The following ATG10 variants were observed in gnomAD, a reference collection of about 807,000 sequenced individuals.
ATG10 encodes ubiquitin-like-conjugating enzyme ATG10.
In ATG10, 30 loss-of-function variants were observed where a neutral mutation model predicts 32.1. The observed-to-expected ratio is 0.94, with a 90% confidence interval of 0.70 to 1.27. The LOEUF (loss-of-function observed/expected upper bound fraction) is 1.27, where lower values mean the gene tolerates loss of function less well. Ranked by LOEUF, ATG10 falls within the 50% of genes most tolerant of loss-of-function variation. The probability of loss-of-function intolerance (pLI) is 0.00; values close to 1 mark genes in which losing one functional copy is unlikely to be tolerated. For synonymous variants in ATG10, 87 were observed against 91.5 expected (o/e 0.95, Z 0.28); for missense variants, 233 against 262.3 (o/e 0.89, Z 0.77).
intron 2 of ATG10, among the ~76,000 whole-genome samples, chr5:82,039,796 T>TAAC (rs1180307585): frequency 6.6e-6 from 1 of 152,194 alleles, no homozygotes; most frequent in East Asian, 1.9e-4. Flanking sequence ...GAAACAACAA[T>TAAC]TAAATTAGTT....
chr5:82,241,263 A>G (rs974044505), intron 5 of ATG10, among the ~76,000 whole-genome samples: 1 of 152,162 alleles, frequency 6.6e-6, no homozygotes, highest in Non-Finnish European at 1.5e-5. Context: ...TCCGCACACT[A>G]CTGTTGCCTT....
chr5:82,161,509 G>A (rs1356503372), intron 3 of ATG10, among the ~76,000 whole-genome samples: 1 of 151,986 alleles, frequency 6.6e-6, no homozygotes, highest in Non-Finnish European at 1.5e-5. Flanking sequence ...TGCTTAATTC[G>A]AGTTTGGGTG....
chr5:82,059,672 G>A (rs1763707081), intron 3 of ATG10, among the ~76,000 whole-genome samples: 1 of 152,132 alleles, frequency 6.6e-6, no homozygotes, highest in Non-Finnish European at 1.5e-5. Context: ...TTGTGTGTGT[G>A]CAGGAAGAAC....
intron 3 of ATG10, among the ~76,000 whole-genome samples, chr5:82,121,032 A>G (rs1163322242): frequency 6.6e-6 from 1 of 152,224 alleles, no homozygotes; most frequent in African/African-American, 2.4e-5. Flanking sequence ...ATTCAGTAAT[A>G]TGGGATTCAG....
At chr5:82,171,221 T>C (rs1743795388) in intron 4 of ATG10, among the ~76,000 whole-genome samples, 1 of 152,224 alleles carries the variant, frequency 6.6e-6, no homozygotes, top group South Asian at 2.1e-4. Context: ...TTCTTAACAC[T>C]GTGTGTGGAC....
chr5:82,047,175 G>A (rs890049880), intron 2 of ATG10, among the ~76,000 whole-genome samples: 3 of 152,090 alleles, frequency 2.0e-5, no homozygotes, highest in Middle Eastern at 3.4e-3. Context: ...TATAATATCC[G>A]TTGGCCATTC....
intron 3 of ATG10, among the ~76,000 whole-genome samples, chr5:82,119,432 T>C (rs557211875): frequency 6.6e-6 from 1 of 152,252 alleles, no homozygotes; most frequent in East Asian, 1.9e-4. Flanking sequence ...GAGAAAGCTG[T>C]AATTGTTTGA....
At chr5:82,000,375 C>G (rs1357742849) in intron 2 of ATG10, among the ~76,000 whole-genome samples, 1 of 152,144 alleles carries the variant, frequency 6.6e-6, no homozygotes, top group African/African-American at 2.4e-5. Context: ...TAAATAGGCA[C>G]AAGCTGAAAG....
At chr5:82,226,740 G>T (rs1746148895) in intron 5 of ATG10, among the ~76,000 whole-genome samples, 1 of 152,136 alleles carries the variant, frequency 6.6e-6, no homozygotes, top group African/African-American at 2.4e-5. Flanking sequence ...TGCAAATAAA[G>T]ATTTTGAAGG....
intron 2 of ATG10, among the ~76,000 whole-genome samples, chr5:82,056,437 T>TG (rs562045534): frequency 6.0e-4 from 90 of 151,180 alleles, no homozygotes; most frequent in Non-Finnish European, 1.2e-3. Context: ...AGGTTTTTTT[T>TG]TTTTTTTTTT....
rs9293286 is a variant in ATG10, at chr5:82,040,738, A to G, written c.109-17757A>G. Among the ~76,000 whole-genome samples, 1,086 of 152,378 alleles carry G rather than the reference A, an allele frequency of 7.1e-3. 7 individuals are homozygous for G. The highest frequency in any genetic ancestry group is 0.012 in the Non-Finnish European group (819 of 68,036). The stretch of plus-strand genomic sequence containing the variant: ...ATTTTACTTGTTGAAGAAAAAAGCA[A>G]TAAGTGTTTTATGACCTAGTATTCT... On this transcript the variant is annotated intron_variant, in intron 2 of 7. Transcript: ENST00000282185.
At chr5:82,104,594 A>G (rs893220881) in intron 3 of ATG10, among the ~76,000 whole-genome samples, 1 of 152,124 alleles carries the variant, frequency 6.6e-6, no homozygotes, top group East Asian at 1.9e-4. Flanking sequence ...CAGATTCTGT[A>G]CTGGTTTTGG....
chr5:82,234,762 C>T (rs1038282500), intron 5 of ATG10, among the ~76,000 whole-genome samples: 3 of 152,122 alleles, frequency 2.0e-5, no homozygotes, highest in African/African-American at 7.2e-5. Context: ...AGTTCATACA[C>T]TTGTTTGTGT....
intron 4 of ATG10, among the ~76,000 whole-genome samples, chr5:82,172,194 T>A (rs1346550360): frequency 6.6e-6 from 1 of 152,152 alleles, no homozygotes; most frequent in East Asian, 1.9e-4. Context: ...CTAGTAATAG[T>A]AGCAACAAGA....
chr5:82,172,423 A>G (rs1450390743), intron 4 of ATG10, among the ~76,000 whole-genome samples: 2 of 152,192 alleles, frequency 1.3e-5, no homozygotes, highest in Admixed American at 1.3e-4. Context: ...TGAGTTAGCA[A>G]TAATACTGAT....
intron 3 of ATG10, among the ~76,000 whole-genome samples, chr5:82,137,985 T>C (rs1377037960): frequency 6.6e-6 from 1 of 152,196 alleles, no homozygotes; most frequent in Non-Finnish European, 1.5e-5. Context: ...TGTGGTGGGC[T>C]TCACCCAATT....
intron 3 of ATG10, among the ~76,000 whole-genome samples, chr5:82,087,839 A>C (rs1329863982): frequency 1.3e-5 from 2 of 152,162 alleles, no homozygotes; most frequent in Admixed American, 6.6e-5. Flanking sequence ...ATAAATAAAG[A>C]GGGCAGGAAG....
rs764388608 is a variant in ATG10, at chr5:82,200,463, C to CTTT, written c.453+21902_453+21904dup. ...ATCTTTTCAAATCTTTCCCTAACTT[C>CTTT]TTTTTTTTTTTTTTTTTTTTTTTTT... is the stretch of plus-strand genomic sequence containing the variant. On this transcript the variant is annotated intron_variant, in intron 5 of 7. Transcript: ENST00000282185. Among the ~76,000 whole-genome samples, 87 of 52,568 alleles carry CTTT rather than the reference C, an allele frequency of 1.7e-3. 14 individuals are homozygous for CTTT. Among genetic ancestry groups the CTTT allele is most frequent in the East Asian group, 0.014 (26 of 1,888 alleles). 34.5% of individuals were successfully genotyped at this position (52,568 alleles called of 152,430 possible). A position where few individuals can be genotyped will look rare whatever the true frequency, so the allele number is the denominator to read the frequency against.
At chr5:82,137,729 AGAGCTC>A (rs1183720719) in intron 3 of ATG10, among the ~76,000 whole-genome samples, 1 of 152,206 alleles carries the variant, frequency 6.6e-6, no homozygotes, top group Non-Finnish European at 1.5e-5. Context: ...GTCTCTTAGC[AGAGCTC>A]GAGTGCTGTG....
Sources: allele counts gnomAD v4.1 joint callset (sites outside exome capture counted in the v4.1 genomes callset), GRCh38; gene constraint gnomAD v4.1.1; transcripts MANE v1.5; gene names NCBI Gene and HGNC (gene_info 2026-07-23, HGNC 2026-07-21).